The following EYA1 variants were observed in gnomAD, a reference collection of about 807,000 sequenced individuals.
The protein encoded by EYA1 is EYA transcriptional coactivator and phosphatase 1.
Under a neutral mutation model 82.0 loss-of-function variants are expected in EYA1, and 16 were observed. The observed-to-expected ratio is 0.20, with a 90% CI of 0.13 to 0.30. The LOEUF is 0.30. Among genes scored for constraint, EYA1 ranks in the 10% least tolerant of loss-of-function variants. The probability of loss-of-function intolerance (pLI) is 1.00; values close to 1 mark genes in which losing one functional copy is unlikely to be tolerated. For missense variants in EYA1, 633 were observed against 730.7 expected, an observed-to-expected ratio of 0.87 and a Z score of 1.54; for synonymous variants, 261 against 264.4, an observed-to-expected ratio of 0.99 and a Z score of 0.12.
At chr8:71,379,799 G>A (rs1236885579) in intron 2 of EYA1, among the ~76,000 whole-genome samples, 1 of 151,372 alleles carries the variant, frequency 6.6e-6, no homozygotes, top group East Asian at 2.0e-4. Flanking sequence ...CCAGTGTACA[G>A]AGCACCCTTG....
At position 71,317,559 on chromosome 8, in the gene EYA1, C is replaced by G; in HGVS notation, c.549G>C (p.Gln183His). The G allele has an allele frequency of 1.2e-6, 2 of 1,614,096 alleles. No individual in the cohort carries two copies. Among genetic ancestry groups the G allele is most frequent in the South Asian group, 2.2e-5 (2 of 91,076 alleles). ...CAATGTGTATATACAGACCTTGCAT[C>G]TGGTAGCTGTATGGTGCCTGTCCAG... ...PQPGQAPYSY[Q>H]MQGSSFTTSS... The change falls in exon 7 of 18, where the codon CAG becomes CAC. Residue 183 changes from glutamine (Q) to histidine (H), a missense_variant. Physicochemically the swap from Gln to His is conservative, Grantham distance 24. Coordinates refer to ENST00000340726, the MANE Select transcript of EYA1 (RefSeq NM_000503.6).
At chr8:71,400,213 T>C (rs545453967) in intron 2 of EYA1, among the ~76,000 whole-genome samples, 5 of 152,058 alleles carry the variant, frequency 3.3e-5, no homozygotes, top group East Asian at 1.9e-4. Flanking sequence ...ACCTAGGCAA[T>C]ACTATTCAGC....
At chr8:71,349,725 G>A (rs1408925648) in intron 3 of EYA1, among the ~76,000 whole-genome samples, 1 of 152,194 alleles carries the variant, frequency 6.6e-6, no homozygotes, top group Non-Finnish European at 1.5e-5. Context: ...CCACCCAGAA[G>A]CTGACTTGTC....
intron 2 of EYA1, among the ~76,000 whole-genome samples, chr8:71,516,057 A>C (rs1441099862): frequency 6.6e-6 from 1 of 152,182 alleles, no homozygotes; most frequent in Non-Finnish European, 1.5e-5. Flanking sequence ...CTATAGCTCA[A>C]GTTGGCCTTT....
chr8:71,311,516 T>C (rs999146748), intron 7 of EYA1, among the ~76,000 whole-genome samples: 1 of 152,304 alleles, frequency 6.6e-6, no homozygotes, highest in African/African-American at 2.4e-5. Flanking sequence ...CACCCACCCA[T>C]TCAGCTAACT....
chr8:71,313,027 A>G (rs1484349809), intron 7 of EYA1, among the ~76,000 whole-genome samples: 2 of 152,132 alleles, frequency 1.3e-5, no homozygotes, highest in East Asian at 3.9e-4. Context: ...CATGACCAAC[A>G]AGGACTTGGT....
chr8:71,449,765 ATCT>A (rs1807204300), intron 2 of EYA1, among the ~76,000 whole-genome samples: 1 of 152,218 alleles, frequency 6.6e-6, no homozygotes, highest in South Asian at 2.1e-4. Context: ...CCTGGATGGC[ATCT>A]TCTTCCACAG....
chr8:71,268,136 G>A (rs1183603856), intron 11 of EYA1, among the ~76,000 whole-genome samples: 1 of 152,150 alleles, frequency 6.6e-6, no homozygotes. Context: ...TTAACTCTAA[G>A]CTGGTCTCTT....
At chr8:71,383,006 T>C (rs1828791936) in intron 2 of EYA1, among the ~76,000 whole-genome samples, 1 of 151,938 alleles carries the variant, frequency 6.6e-6, no homozygotes, top group South Asian at 2.1e-4. Context: ...TTTTTAAGAG[T>C]TTTATCTTTG....
At chr8:71,488,958 A>G (rs1358958479) in intron 2 of EYA1, among the ~76,000 whole-genome samples, 1 of 152,224 alleles carries the variant, frequency 6.6e-6, no homozygotes, top group African/African-American at 2.4e-5. Flanking sequence ...AGGGCTTTCT[A>G]AGAAACAAGA....
intron 2 of EYA1, among the ~76,000 whole-genome samples, chr8:71,384,235 G>A (rs1247090528): frequency 2.0e-5 from 3 of 152,134 alleles, no homozygotes; most frequent in African/African-American, 7.2e-5. Flanking sequence ...AAATTGGTGT[G>A]TCTGTTTCCC....
At chr8:71,319,740 C>T (rs1313958000) in intron 6 of EYA1, among the ~76,000 whole-genome samples, 1 of 152,066 alleles carries the variant, frequency 6.6e-6, no homozygotes, top group Non-Finnish European at 1.5e-5. Context: ...TTTGTAAGAC[C>T]ATCTGAGCCT....
chr8:71,308,380 C>CAGTG (rs1487850072), intron 7 of EYA1, among the ~76,000 whole-genome samples: 1 of 152,176 alleles, frequency 6.6e-6, no homozygotes, highest in Non-Finnish European at 1.5e-5. Context: ...GTCCCAGGGA[C>CAGTG]AGTGCATCAC....
At chr8:71,321,238 G>A (rs1822502147) in intron 6 of EYA1, among the ~76,000 whole-genome samples, 2 of 152,164 alleles carry the variant, frequency 1.3e-5, no homozygotes, top group Non-Finnish European at 2.9e-5. Flanking sequence ...ACTCCAGGCA[G>A]TGATATATAG....
chr8:71,496,465 CTATTTA>C (rs987941300), intron 2 of EYA1, among the ~76,000 whole-genome samples: 5 of 152,142 alleles, frequency 3.3e-5, no homozygotes, highest in African/African-American at 1.2e-4. Context: ...GCTGTAATTT[CTATTTA>C]TATCTAAGCG....
intron 3 of EYA1, among the ~76,000 whole-genome samples, chr8:71,353,749 G>C (rs1054065245): frequency 6.6e-6 from 1 of 150,604 alleles, no homozygotes; most frequent in Non-Finnish European, 1.5e-5. Context: ...ATTTAGCTTT[G>C]TTTATTTTTT....
At chr8:71,341,474 T>A (rs1194532017) in intron 3 of EYA1, among the ~76,000 whole-genome samples, 1 of 152,154 alleles carries the variant, frequency 6.6e-6, no homozygotes, top group Non-Finnish European at 1.5e-5. Flanking sequence ...AATTGTTGCA[T>A]AAAGTACGAA....
intron 2 of EYA1, among the ~76,000 whole-genome samples, chr8:71,481,867 A>G (rs188401454): frequency 7.6e-4 from 115 of 152,230 alleles, no homozygotes; most frequent in Middle Eastern, 6.8e-3. Flanking sequence ...AGGAGGGGCA[A>G]GAGGAGAAAC....
At chr8:71,455,793 T>C (rs1358539643) in intron 2 of EYA1, among the ~76,000 whole-genome samples, 1 of 152,072 alleles carries the variant, frequency 6.6e-6, no homozygotes, top group Non-Finnish European at 1.5e-5. Context: ...AACCCATAGC[T>C]GATGTCATAC....
Sources: gnomAD v4.1 joint callset for allele counts (sites outside exome capture counted in the v4.1 genomes callset) on GRCh38, gnomAD v4.1.1 for gene constraint, MANE v1.5 for transcripts, NCBI Gene and HGNC (gene_info 2026-07-23, HGNC 2026-07-21) for gene names.